The following OTUB2 variants were observed in gnomAD, a reference collection of about 807,000 sequenced individuals.
OTUB2 encodes the protein OTU deubiquitinase, ubiquitin aldehyde binding 2.
In OTUB2, 21 loss-of-function variants were observed where a neutral mutation model predicts 25.1. The ratio of observed to expected loss-of-function variants is 0.84; its 90% CI spans 0.59 to 1.21. OTUB2 has a LOEUF of 1.21. Ranked by LOEUF, OTUB2 falls within the 50% of genes most tolerant of loss-of-function variation. The probability of loss-of-function intolerance (pLI) is 0.00; values close to 1 mark genes in which losing one functional copy is unlikely to be tolerated. For synonymous variants in OTUB2, 122 were observed against 122.8 expected (o/e 0.99, Z 0.04); for missense variants, 283 against 298.0 (o/e 0.95, Z 0.37).
At chr14:94,034,652 G>A (rs943497464) in intron 1 of OTUB2, among the ~76,000 whole-genome samples, 3 of 152,198 alleles carry the variant, frequency 2.0e-5, no homozygotes, top group African/African-American at 7.2e-5. Context: ...GCACAATAAT[G>A]GCACCTGTTA....
At chr14:94,035,422 G>A (rs1885036060) in intron 1 of OTUB2, among the ~76,000 whole-genome samples, 2 of 151,594 alleles carry the variant, frequency 1.3e-5, no homozygotes, top group Admixed American at 1.3e-4. Flanking sequence ...CTGAGTAGCT[G>A]GGATTACGGG....
At position 94,046,305 on chromosome 14, in the gene OTUB2, C is replaced by T. The variant is rs1021084071; in HGVS notation, c.*383C>T. 7 of 295,368 alleles carry T rather than the reference C, an allele frequency of 2.4e-5. No homozygotes were observed. Among genetic ancestry groups the T allele is most frequent in the South Asian group, 4.3e-5 (1 of 23,006 alleles). The allele number at this position is 295,368 out of a possible 1,614,324, so 18.3% of individuals were successfully genotyped here. ...CTTTACCAGGGGCAGTGCCTCTCTG[C>T]GGGGGAGGAAAAGCTCAAGGTTAGC... On this transcript the variant is annotated 3_prime_UTR_variant, in exon 6 of 6. Transcript: ENST00000203664.
rs1416183586 is a variant in OTUB2, at chr14:94,046,012, A to G, written c.*90A>G. 2 of 1,415,466 alleles carry G rather than the reference A, an allele frequency of 1.4e-6. No homozygotes were observed. The highest frequency in any genetic ancestry group is 2.4e-5 in the East Asian group (1 of 41,886). 87.7% of individuals were successfully genotyped at this position (1,415,466 alleles called of 1,614,324 possible). A position where few individuals can be genotyped will look rare whatever the true frequency, so the allele number is the denominator to read the frequency against. On this transcript the variant is annotated 3_prime_UTR_variant, in exon 6 of 6. Transcript: ENST00000203664. ...GGCTCTTCAATTTTTTAAGCAATTT[A>G]GACTGTAGCAAGAAAATGTGCAGCC...
intron 3 of OTUB2, among the ~76,000 whole-genome samples, chr14:94,040,745 G>T (rs572799311): frequency 3.9e-5 from 6 of 152,372 alleles, no homozygotes; most frequent in South Asian, 2.1e-4. Flanking sequence ...GCCTTGTGGG[G>T]CTTGCGTCCT....
intron 1 of OTUB2, among the ~76,000 whole-genome samples, chr14:94,029,334 C>T (rs1308620434): frequency 6.6e-6 from 1 of 152,022 alleles, no homozygotes. Context: ...TGTAGAGCAA[C>T]AGAAATGGAT....
rs1291205387 is a variant in OTUB2 at position 94,048,278 on chromosome 14, T to G, written c.*2356T>G. ...GACCAAAAGCTGGAAGGAGAGTTGC[T>G]TTGAGAGCTTGTTTTTACAACTGCA... On this transcript the variant is annotated 3_prime_UTR_variant, in exon 6 of 6. Coordinates refer to ENST00000203664, the MANE Select transcript of OTUB2 (RefSeq NM_023112.4). 6.6e-6 allele frequency: 1 copy of G among 152,214 alleles called. No homozygotes were observed. Among genetic ancestry groups the G allele is most frequent in the Non-Finnish European group, 1.5e-5 (1 of 68,050 alleles). The allele number at this position is 152,214 out of a possible 1,614,324, so 9.4% of individuals were successfully genotyped here. A position where few individuals can be genotyped will look rare whatever the true frequency, so the allele number is the denominator to read the frequency against.
At chr14:94,045,516 C>A (rs558306062) in intron 5 of OTUB2, among the ~76,000 whole-genome samples, 200 bp from the exon 6 acceptor site, 4 of 152,254 alleles carry the variant, frequency 2.6e-5, no homozygotes, top group African/African-American at 9.6e-5. Context: ...GCAATTGTAG[C>A]GATTTCTAGC....
chr14:94,036,093 G>A (rs1441170895), intron 1 of OTUB2, among the ~76,000 whole-genome samples: 3 of 152,152 alleles, frequency 2.0e-5, no homozygotes, highest in Admixed American at 6.5e-5. Context: ...TCAAAAATCC[G>A]GATGTATTTC....
chr14:94,036,525 A>G (rs1413268636), intron 1 of OTUB2, among the ~76,000 whole-genome samples: 1 of 152,092 alleles, frequency 6.6e-6, no homozygotes, highest in African/African-American at 2.4e-5. Flanking sequence ...CCCTGCTGAC[A>G]AGATAGCACA....
At chr14:94,044,904 A>G in intron 5 of OTUB2, 124 bp downstream of exon 5, 2 of 1,025,250 alleles carry the variant, frequency 2.0e-6, no homozygotes, top group Non-Finnish European at 2.8e-6. Context: ...ATTCAAACAG[A>G]GCTAGGTCAG....
In OTUB2 at chr14:94,035,270, CT is replaced by C. The variant is rs1158401713; in HGVS notation, c.4-2100del. Among the ~76,000 whole-genome samples, 492 of 133,346 alleles carry C rather than the reference CT, an allele frequency of 3.7e-3. 7 individuals carry two copies. The highest frequency in any genetic ancestry group is 0.013 in the African/African-American group (472 of 36,112). The allele number at this position is 133,346 out of a possible 152,430, so 87.5% of individuals were successfully genotyped here. On this transcript the variant is annotated intron_variant, in intron 1 of 5. Transcript: ENST00000203664. ...TTTTGGAAACATTCTTCATCCAGTT[CT>C]TTTTTTTTTCTTTTCTTTTTTTTTT...
At chr14:94,036,208 AG>A (rs2141410197) in intron 1 of OTUB2, among the ~76,000 whole-genome samples, 1 of 152,308 alleles carries the variant, frequency 6.6e-6, no homozygotes, top group East Asian at 1.9e-4. Flanking sequence ...AGAGGCTACC[AG>A]GGAAGGCCAC....
At chr14:94,032,285 G>A (rs1162615730) in intron 1 of OTUB2, among the ~76,000 whole-genome samples, 1 of 152,196 alleles carries the variant, frequency 6.6e-6, no homozygotes, top group Non-Finnish European at 1.5e-5. Flanking sequence ...ACATTTGTAA[G>A]CAGGGGTAGC....
intron 1 of OTUB2, among the ~76,000 whole-genome samples, chr14:94,028,991 A>C (rs993381418): frequency 2.0e-5 from 3 of 152,192 alleles, no homozygotes; most frequent in Non-Finnish European, 2.9e-5. Flanking sequence ...GGATTTTGGC[A>C]AAGGTGAACA....
chr14:94,031,379 G>A (rs969156582), intron 1 of OTUB2, among the ~76,000 whole-genome samples: 4 of 152,172 alleles, frequency 2.6e-5, no homozygotes, highest in East Asian at 1.9e-4. Context: ...CCATGGCTGC[G>A]GGCTGCTTGA....
Position 94,026,518 on chromosome 14 carries a change from G to A in OTUB2, c.-20G>A. 7.8e-7 allele frequency: 1 copy of A among 1,283,968 alleles called. No homozygotes were observed. Among genetic ancestry groups the A allele is most frequent in the Non-Finnish European group, 9.9e-7 (1 of 1,010,286 alleles). The allele number at this position is 1,283,968 out of a possible 1,614,324, so 79.5% of individuals were successfully genotyped here. On this transcript the variant is annotated 5_prime_UTR_variant, in exon 1 of 6. Transcript: ENST00000203664. ...TCGCTCCTCGCTGGGGCGGGACCTG[G>A]CCTGGCGGCTCTGGTCACTATGGTC...
At chr14:94,043,780 G>C (rs1007347958) in intron 3 of OTUB2, among the ~76,000 whole-genome samples, 191 bp from the exon 4 acceptor site, 1 of 152,194 alleles carries the variant, frequency 6.6e-6, no homozygotes, top group Non-Finnish European at 1.5e-5. Flanking sequence ...CAGCCACCAG[G>C]GCCCGGCAGG....
In OTUB2 at chr14:94,030,056, C is replaced by T. The variant is rs550560683; in HGVS notation, c.3+3516C>T. ...CCACATGGGGTCAGACATGGGAGGT[C>T]GTTGTCAAAAGATTGAGTCTTGGCC... On this transcript the variant is annotated intron_variant, in intron 1 of 5. Coordinates refer to ENST00000203664, the MANE Select transcript of OTUB2 (RefSeq NM_023112.4). Among the ~76,000 whole-genome samples the T allele has an allele frequency of 1.0e-3, 159 of 152,230 alleles. 2 individuals carry two copies. Among genetic ancestry groups the T allele is most frequent in the African/African-American group, 3.4e-3 (142 of 41,524 alleles).
rs1884859681 is a variant in OTUB2, at chr14:94,026,434, C to G, written c.-104C>G. 2 of 1,303,234 alleles carry G rather than the reference C, an allele frequency of 1.5e-6. No individual in the cohort carries two copies. Among genetic ancestry groups the G allele is most frequent in the Admixed American group, 8.0e-5 (2 of 25,074 alleles). The allele number at this position is 1,303,234 out of a possible 1,614,324, so 80.7% of individuals were successfully genotyped here. On this transcript the variant is annotated 5_prime_UTR_variant, in exon 1 of 6. Coordinates refer to ENST00000203664, the MANE Select transcript of OTUB2 (RefSeq NM_023112.4). The stretch of plus-strand genomic sequence containing the variant: ...CCGCCGCCCCCACGCCCTCGAGGTC[C>G]CCGCCACCGAACCAGCGGCGGAGCC...
Sources: gnomAD v4.1 joint callset for allele counts (sites outside exome capture counted in the v4.1 genomes callset) on GRCh38, gnomAD v4.1.1 for gene constraint, MANE v1.5 for transcripts, NCBI Gene and HGNC (gene_info 2026-07-23, HGNC 2026-07-21) for gene names.